Variants in DEPDC5 observed in about 807,000 individuals in gnomAD.
DEPDC5 encodes the protein GATOR1 complex protein DEPDC5.
A neutral mutation model predicts 217.3 loss-of-function variants in DEPDC5; 73 were observed. The observed-to-expected ratio is 0.34, with a 90% confidence interval of 0.28 to 0.41. DEPDC5 has a LOEUF of 0.41. Among genes scored for constraint, DEPDC5 ranks in the 10% least tolerant of loss-of-function variants. The probability of loss-of-function intolerance (pLI) is 1.00; values close to 1 mark genes in which losing one functional copy is unlikely to be tolerated. For synonymous variants in DEPDC5, 733 were observed against 756.7 expected, an observed-to-expected ratio of 0.97 and a Z score of 0.51; for missense variants, 1,675 against 2,070.1, an observed-to-expected ratio of 0.81 and a Z score of 3.70.
At chr22:31,832,517 T>A (rs1000602939) in intron 24 of DEPDC5, among the ~76,000 whole-genome samples, 2 of 151,964 alleles carry the variant, frequency 1.3e-5, no homozygotes, top group African/African-American at 4.8e-5. Flanking sequence ...GACGGGGTCT[T>A]GCTCTTTCAG....
chr22:31,840,995 G>T (rs1055649999), intron 27 of DEPDC5, among the ~76,000 whole-genome samples: 1 of 152,242 alleles, frequency 6.6e-6, no homozygotes, highest in Non-Finnish European at 1.5e-5. Flanking sequence ...ACCTAATTTA[G>T]AATGGGGGTG....
chr22:31,765,006 A>T lies in DEPDC5; in HGVS notation c.225A>T (p.Gln75His). The T allele has an allele frequency of 6.2e-7, 1 of 1,614,146 alleles. No homozygotes were observed. Among genetic ancestry groups the T allele is most frequent in the Non-Finnish European group, 8.5e-7 (1 of 1,179,982 alleles). The change falls in exon 5 of 43, where the codon CAA becomes CAT. Residue 75 changes from glutamine to histidine, a missense_variant. Physicochemically the swap from Gln to His is conservative, Grantham distance 24 (BLOSUM62 0). Coordinates refer to ENST00000651528, the MANE Select transcript of DEPDC5 (RefSeq NM_001242896.3). ...ETISVDQTVT[Q>H]VFRLRPYQDV... ...TCAGTGTGGACCAGACTGTGACTCA[A>T]GTGTTCCGGCTGAGACCTTATCAGG...
rs544863765 is a variant in DEPDC5, at chr22:31,810,600, G to T, written c.1404G>T (p.Arg468Ser). The change falls in exon 20 of 43, where the codon AGG (arginine) becomes AGT (serine). Residue 468 changes from arginine to serine, a missense_variant. By Grantham distance (110) the Arg-to-Ser change is moderately radical. This residue lies in a region of DEPDC5 where 628 missense variants were observed against 762.1 expected (regional missense o/e 0.82). Transcript: ENST00000651528. Reference sequence around the variant, plus strand: ...ACGCCTATGACGCTCAAGTGTTCAGGCTGCCCGGCCCATCCCGGGCCCAGT... The same window carrying T: ...ACGCCTATGACGCTCAAGTGTTCAGTCTGCCCGGCCCATCCCGGGCCCAGT... ...DYDAYDAQVFRLPGPSRAQCL... is the reference protein window; with the variant it reads ...DYDAYDAQVFSLPGPSRAQCL... The T allele has an allele frequency of 1.2e-5, 19 of 1,614,132 alleles. No individual in the cohort carries two copies. In the South Asian group the frequency reaches 2.0e-4, roughly 17 times the overall value.
chr22:31,759,967 G>A (rs982475329), intron 3 of DEPDC5, among the ~76,000 whole-genome samples: 11 of 151,916 alleles, frequency 7.2e-5, no homozygotes, highest in African/African-American at 2.7e-4. Context: ...ATAGGCATGA[G>A]CCACCGAGCC....
intron 24 of DEPDC5, among the ~76,000 whole-genome samples, chr22:31,829,761 G>T (rs931172478): frequency 2.6e-5 from 4 of 152,102 alleles, no homozygotes; most frequent in Non-Finnish European, 4.4e-5. Context: ...CCTGGTAGCT[G>T]CAGTCTTCAC....
chr22:31,905,756 G>C (rs1356604779), intron 41 of DEPDC5, among the ~76,000 whole-genome samples: 1 of 152,000 alleles, frequency 6.6e-6, no homozygotes, highest in Admixed American at 6.6e-5. Context: ...GGAGATGACG[G>C]GCTGCTGGGT....
At chr22:31,758,166 C>T (rs147682816) in intron 2 of DEPDC5, among the ~76,000 whole-genome samples, 28 of 152,246 alleles carry the variant, frequency 1.8e-4, no homozygotes, top group Admixed American at 3.9e-4. Flanking sequence ...ATAACTGTAA[C>T]GAATTGTGCT....
chr22:31,761,766 G>A (rs1470905146), intron 4 of DEPDC5, among the ~76,000 whole-genome samples: 1 of 151,590 alleles, frequency 6.6e-6, no homozygotes, highest in Non-Finnish European at 1.5e-5. Context: ...TCAGGAGTTT[G>A]CGACCAGCCT....
At chr22:31,806,531 T>C (rs1424165247) in intron 18 of DEPDC5, among the ~76,000 whole-genome samples, 1 of 152,160 alleles carries the variant, frequency 6.6e-6, no homozygotes, top group Non-Finnish European at 1.5e-5. Context: ...TTGAGAAAAA[T>C]ATGACCAAGA....
At chr22:31,823,359 C>G (rs557561592) in intron 24 of DEPDC5, among the ~76,000 whole-genome samples, 2 of 151,870 alleles carry the variant, frequency 1.3e-5, no homozygotes, top group African/African-American at 4.8e-5. Flanking sequence ...GTAAAACCCC[C>G]ATCTCTACCA....
intron 31 of DEPDC5, 40 bp downstream of exon 31, chr22:31,847,007 C>G: frequency 6.2e-7 from 1 of 1,613,894 alleles, no homozygotes; most frequent in Non-Finnish European, 8.5e-7. Context: ...CCCACCTTGA[C>G]AGCCCTGAGG....
chr22:31,873,468 G>A (rs1315064465), intron 35 of DEPDC5, 136 bp downstream of exon 35: 19 of 870,582 alleles, frequency 2.2e-5, no homozygotes, highest in Non-Finnish European at 3.3e-5. Flanking sequence ...CAAGTCACTT[G>A]ACCTCTCTGA....
chr22:31,787,149 G>T (rs2085085899), intron 10 of DEPDC5, among the ~76,000 whole-genome samples: 2 of 151,878 alleles, frequency 1.3e-5, no homozygotes, highest in South Asian at 4.1e-4. Flanking sequence ...GCAGTGGAGC[G>T]ATCATGGCTC....
At position 31,892,873 on chromosome 22, in the gene DEPDC5, A is replaced by ATT. The variant is rs948740613; in HGVS notation, c.4034-689_4034-688dup. Among the ~76,000 whole-genome samples, 662 of 120,038 alleles carry ATT rather than the reference A, an allele frequency of 5.5e-3. 7 individuals are homozygous for ATT. Among genetic ancestry groups the ATT allele is most frequent in the Non-Finnish European group, 8.7e-3 (509 of 58,228 alleles). 78.7% of individuals were successfully genotyped at this position (120,038 alleles called of 152,430 possible). On this transcript the variant is annotated intron_variant, in intron 38 of 42. Coordinates refer to ENST00000651528, the MANE Select transcript of DEPDC5 (RefSeq NM_001242896.3). ...TTTAGGGTTCACTCTTTGGTGGTGT[A>ATT]TTTTTTTTTTTTTTTTTTTTTGAGA... is the stretch of plus-strand genomic sequence containing the variant.
Position 31,818,247 on chromosome 22 carries a change from A to G in DEPDC5, c.1667-775A>G, listed in dbSNP as rs559785619. 3.3e-5 allele frequency among the ~76,000 whole-genome samples: 5 copies of G among 152,214 alleles called. No individual in the cohort carries two copies. The South Asian group carries it at 6.2e-4, about 19-fold the overall frequency. On this transcript the variant is annotated intron_variant, in intron 21 of 42. Coordinates refer to ENST00000651528, the MANE Select transcript of DEPDC5 (RefSeq NM_001242896.3). Reference sequence around the variant, plus strand: ...TCCTTGCCTGGTCAAGGCTGGAGGCATCCATTTCTTCGTTATTTTTTTCTC... The same window carrying G: ...TCCTTGCCTGGTCAAGGCTGGAGGCGTCCATTTCTTCGTTATTTTTTTCTC...
intron 38 of DEPDC5, among the ~76,000 whole-genome samples, chr22:31,882,761 G>A (rs537082952): frequency 1.3e-5 from 2 of 151,006 alleles, no homozygotes; most frequent in South Asian, 4.2e-4. Flanking sequence ...TTATTTTCTT[G>A]TTCCTTCTCT....
At chr22:31,762,209 T>C (rs1291152593) in intron 4 of DEPDC5, among the ~76,000 whole-genome samples, 1 of 152,128 alleles carries the variant, frequency 6.6e-6, no homozygotes, top group East Asian at 1.9e-4. Flanking sequence ...CAAGGTACTA[T>C]CCTGGGAGCT....
intron 15 of DEPDC5, among the ~76,000 whole-genome samples, chr22:31,803,272 G>A (rs2087080445): frequency 6.6e-6 from 1 of 151,688 alleles, no homozygotes; most frequent in Admixed American, 6.6e-5. Flanking sequence ...GTGCAGTGGT[G>A]TGATCTTGGC....
chr22:31,829,061 G>A (rs181687926), intron 24 of DEPDC5, among the ~76,000 whole-genome samples: 16 of 152,294 alleles, frequency 1.1e-4, no homozygotes, highest in African/African-American at 3.9e-4. Flanking sequence ...TGAGGCTCAG[G>A]TTCTTCATCT....
Sources: allele counts gnomAD v4.1 joint callset (sites outside exome capture counted in the v4.1 genomes callset), GRCh38; gene constraint gnomAD v4.1.1; regional missense constraint gnomAD v4.1.1; transcripts MANE v1.5; gene names NCBI Gene and HGNC (gene_info 2026-07-23, HGNC 2026-07-21).